The following COG5 variants were observed in gnomAD, a reference collection of about 807,000 sequenced individuals.
COG5 encodes component of oligomeric golgi complex 5.
COG5 carries 86 observed loss-of-function variants against 110.4 expected under a neutral mutation model. That is an observed-to-expected ratio of 0.78 (90% CI 0.65 to 0.93). The LOEUF is 0.93. Among genes scored for constraint, COG5 ranks in the 40% least tolerant of loss-of-function variants. COG5 has a pLI of 0.00. For synonymous variants in COG5, 360 were observed against 334.6 expected, an observed-to-expected ratio of 1.08 and a Z score of -0.83; for missense variants, 1,077 against 987.0, an observed-to-expected ratio of 1.09 and a Z score of -1.22.
chr7:107,505,845 G>T (rs1199605716), intron 6 of COG5, among the ~76,000 whole-genome samples: 1 of 152,156 alleles, frequency 6.6e-6, no homozygotes, highest in East Asian at 1.9e-4. Context: ...GAATGCTGTT[G>T]TTCCTCTGGG....
In COG5 at chr7:107,368,888, T is replaced by A. The variant is rs141130588; in HGVS notation, c.835+3707A>T. ...AAGCTTTAAGAAATACAACACTAAA[T>A]AAAGTGAAGTTTCCTTGTACTCTCC... On this transcript the variant is annotated intron_variant, in intron 8 of 21. Coordinates refer to ENST00000297135, the MANE Select transcript of COG5 (RefSeq NM_006348.5). 9.2e-3 allele frequency among the ~76,000 whole-genome samples: 1,404 copies of A among 152,348 alleles called. 24 individuals are homozygous for A. Among genetic ancestry groups the A allele is most frequent in the African/African-American group, 0.031 (1,304 of 41,578 alleles).
intron 11 of COG5, among the ~76,000 whole-genome samples, chr7:107,308,722 T>C (rs1054862125): frequency 3.5e-4 from 53 of 151,106 alleles, no homozygotes; most frequent in African/African-American, 1.3e-3. Context: ...CATACCATCA[T>C]TAATGGTAAC....
intron 6 of COG5, among the ~76,000 whole-genome samples, chr7:107,417,319 CTTA>C (rs1319865364): frequency 1.3e-5 from 2 of 152,058 alleles, no homozygotes; most frequent in Non-Finnish European, 2.9e-5. Context: ...TTGTTTTGCT[CTTA>C]TTATTTGTAA....
intron 7 of COG5, among the ~76,000 whole-genome samples, chr7:107,374,869 T>C (rs1405130902): frequency 6.6e-6 from 1 of 151,934 alleles, no homozygotes; most frequent in Admixed American, 6.6e-5. Flanking sequence ...AACTGCAAAA[T>C]AATTACCTGA....
chr7:107,345,551 G>C (rs1811526000), intron 10 of COG5, among the ~76,000 whole-genome samples: 1 of 152,104 alleles, frequency 6.6e-6, no homozygotes, highest in East Asian at 1.9e-4. Flanking sequence ...TTCGCCAGGG[G>C]AAAGTAAGGG....
At chr7:107,247,898 G>C (rs919958202) in intron 17 of COG5, among the ~76,000 whole-genome samples, 4 of 152,192 alleles carry the variant, frequency 2.6e-5, no homozygotes, top group African/African-American at 4.8e-5. Context: ...TCTTGGAGGA[G>C]GTTGGGCTGC....
In COG5 at chr7:107,513,136, G is replaced by T. The variant is rs952272205; in HGVS notation, c.538+14101C>A. Among the ~76,000 whole-genome samples, 36 of 151,414 alleles carry T rather than the reference G, an allele frequency of 2.4e-4. 1 individual carries two copies. The highest frequency in any genetic ancestry group is 1.5e-3 in the East Asian group (8 of 5,168). On this transcript the variant is annotated intron_variant, in intron 6 of 21. Coordinates refer to ENST00000297135, the MANE Select transcript of COG5 (RefSeq NM_006348.5). ...ACCTACAAAATGGGAGAAAATTTTT[G>T]CAACCTACTCATCTGACAAAGGGCT...
chr7:107,454,005 A>G (rs1795511209), intron 6 of COG5, among the ~76,000 whole-genome samples: 1 of 152,188 alleles, frequency 6.6e-6, no homozygotes, highest in African/African-American at 2.4e-5. Flanking sequence ...AAATTCATTA[A>G]TGATACTATT....
chr7:107,407,418 C>T (rs1318457535), intron 7 of COG5, among the ~76,000 whole-genome samples: 1 of 152,064 alleles, frequency 6.6e-6, no homozygotes, highest in African/African-American at 2.4e-5. Flanking sequence ...TTAAGACCAT[C>T]ATCTAGTGTT....
chr7:107,242,927 G>C (rs765648355), intron 17 of COG5, among the ~76,000 whole-genome samples: 1 of 152,050 alleles, frequency 6.6e-6, no homozygotes, highest in Non-Finnish European at 1.5e-5. Context: ...TCCGATTTGG[G>C]GAAGGAACAC....
intron 6 of COG5, among the ~76,000 whole-genome samples, chr7:107,430,436 A>T (rs1481552143): frequency 6.6e-6 from 1 of 152,190 alleles, no homozygotes; most frequent in Non-Finnish European, 1.5e-5. Flanking sequence ...ATTCTATTTC[A>T]CTGATCTACA....
At chr7:107,300,975 G>T (rs975843898) in intron 11 of COG5, among the ~76,000 whole-genome samples, 1 of 152,010 alleles carries the variant, frequency 6.6e-6, no homozygotes, top group Admixed American at 6.6e-5. Flanking sequence ...GTGCAGAATA[G>T]AGAGTACAAA....
chr7:107,318,412 GAAAAT>G (rs892416024), intron 11 of COG5, among the ~76,000 whole-genome samples: 2 of 152,138 alleles, frequency 1.3e-5, no homozygotes, highest in Non-Finnish European at 2.9e-5. Context: ...TTTAAAGAAA[GAAAAT>G]AAAATGATAG....
chr7:107,227,408 TA>T (rs544033829), intron 19 of COG5, among the ~76,000 whole-genome samples: 162 of 147,014 alleles, frequency 1.1e-3, no homozygotes, highest in Middle Eastern at 3.5e-3. Context: ...AAGCTAGATA[TA>T]AAAAAAAAAG....
intron 13 of COG5, among the ~76,000 whole-genome samples, chr7:107,281,781 T>C (rs568357829): frequency 6.6e-6 from 1 of 152,142 alleles, no homozygotes; most frequent in Non-Finnish European, 1.5e-5. Context: ...ATGATGACCT[T>C]AAAGGGACAT....
chr7:107,447,392 A>G (rs902069661), intron 6 of COG5, among the ~76,000 whole-genome samples: 49 of 152,332 alleles, frequency 3.2e-4, no homozygotes, highest in African/African-American at 1.1e-3. Context: ...TTTAGGAAAT[A>G]GGACATGGAC....
rs1563026555 is a variant in COG5 at position 107,424,165 on chromosome 7, C to T, written c.539-11533G>A. ...GTGCGTGCCTGTAGTACCAGCTACTCGGGAGGCTGAGGCACAAGAATCACT... is the reference window on the plus strand; with the variant it reads ...GTGCGTGCCTGTAGTACCAGCTACTTGGGAGGCTGAGGCACAAGAATCACT... On this transcript the variant is annotated intron_variant, in intron 6 of 21. Transcript: ENST00000297135. Among the ~76,000 whole-genome samples the T allele has an allele frequency of 2.6e-5, 4 of 151,658 alleles. No individual in the cohort carries two copies. The South Asian group carries it at 8.3e-4, about 32-fold the overall frequency.
At chr7:107,409,361 T>C (rs1352476918) in intron 7 of COG5, among the ~76,000 whole-genome samples, 3 of 149,572 alleles carry the variant, frequency 2.0e-5, no homozygotes, top group Non-Finnish European at 2.9e-5. Flanking sequence ...TTTGGGAAAC[T>C]GGGAGGTCAC....
intron 7 of COG5, among the ~76,000 whole-genome samples, chr7:107,379,281 T>C (rs1814896682): frequency 6.6e-6 from 1 of 152,050 alleles, no homozygotes; most frequent in Non-Finnish European, 1.5e-5. Context: ...GCACTAAATA[T>C]GGAAAGGAAA....
Sources: gnomAD v4.1 joint callset for allele counts (sites outside exome capture counted in the v4.1 genomes callset) on GRCh38, gnomAD v4.1.1 for gene constraint, MANE v1.5 for transcripts, NCBI Gene and HGNC (gene_info 2026-07-23, HGNC 2026-07-21) for gene names.